SCFD2: variants seen among roughly 807,000 people sequenced by gnomAD.
SCFD2 encodes sec1 family domain-containing protein 2.
SCFD2 carries 54 observed loss-of-function variants against 58.9 expected under a neutral mutation model. The observed-to-expected ratio is 0.92, with a 90% CI of 0.74 to 1.15. The LOEUF is 1.15. SCFD2 is among the 50% of genes most tolerant of loss of function. SCFD2 has a pLI of 0.00. For synonymous variants in SCFD2, 321 were observed against 335.9 expected, an observed-to-expected ratio of 0.96 and a Z score of 0.49; for missense variants, 805 against 836.6, an observed-to-expected ratio of 0.96 and a Z score of 0.47.
intron 1 of SCFD2, among the ~76,000 whole-genome samples, chr4:53,354,010 G>C (rs2149165842): frequency 6.6e-6 from 1 of 152,378 alleles, no homozygotes; most frequent in East Asian, 1.9e-4. Flanking sequence ...CAAGAGCCCA[G>C]CTAGCTTCGC....
At chr4:53,229,517 G>T (rs1346039282) in intron 4 of SCFD2, among the ~76,000 whole-genome samples, 3 of 152,152 alleles carry the variant, frequency 2.0e-5, no homozygotes, top group Admixed American at 6.5e-5. Flanking sequence ...ACAAGCAATG[G>T]GGAAAGGATT....
intron 6 of SCFD2, among the ~76,000 whole-genome samples, chr4:52,912,646 T>C (rs1348513822): frequency 6.6e-6 from 1 of 152,096 alleles, no homozygotes; most frequent in Non-Finnish European, 1.5e-5. Flanking sequence ...GCCTTCTTAA[T>C]AAAAAAAATT....
intron 4 of SCFD2, among the ~76,000 whole-genome samples, chr4:53,228,675 G>T (rs1729313232): frequency 6.6e-6 from 1 of 152,030 alleles, no homozygotes; most frequent in Admixed American, 6.6e-5. Context: ...TACTGAATGG[G>T]CAAAAACTGG....
intron 5 of SCFD2, among the ~76,000 whole-genome samples, chr4:53,083,383 T>G (rs1408068019): frequency 6.6e-6 from 1 of 151,960 alleles, no homozygotes; most frequent in Non-Finnish European, 1.5e-5. Flanking sequence ...AAAGGAAAAC[T>G]AATACCAGTC....
In SCFD2 at chr4:53,242,255, G is replaced by A. The variant is rs150926054; in HGVS notation, c.1311+31571C>T. Among the ~76,000 whole-genome samples, 668 of 152,316 alleles carry A rather than the reference G, an allele frequency of 4.4e-3. 4 individuals carry two copies. The highest frequency in any genetic ancestry group is 0.027 in the Middle Eastern group (8 of 294). The stretch of plus-strand genomic sequence containing the variant: ...GAGTGTTGTGACCAGCAGTATGGGA[G>A]CACCTCAGTCCCCTAAGTGCAGCCG... On this transcript the variant is annotated intron_variant, in intron 4 of 8. Coordinates refer to ENST00000401642, the MANE Select transcript of SCFD2 (RefSeq NM_152540.4).
At chr4:53,234,209 C>T (rs1203020059) in intron 4 of SCFD2, among the ~76,000 whole-genome samples, 3 of 152,148 alleles carry the variant, frequency 2.0e-5, no homozygotes, top group Non-Finnish European at 4.4e-5. Flanking sequence ...GACAATGTTA[C>T]TGTCTAGCAG....
chr4:53,196,134 T>A (rs376466972), intron 4 of SCFD2, among the ~76,000 whole-genome samples: 2 of 152,196 alleles, frequency 1.3e-5, no homozygotes, highest in African/African-American at 4.8e-5. Context: ...TTTGTCTTTT[T>A]AAAAATCCTT....
chr4:53,275,534 C>T (rs1438649266), intron 3 of SCFD2, among the ~76,000 whole-genome samples: 2 of 152,172 alleles, frequency 1.3e-5, no homozygotes, highest in Non-Finnish European at 2.9e-5. Context: ...TTTCTACATA[C>T]AGTAAAATTC....
At chr4:53,256,839 T>A (rs979856494) in intron 4 of SCFD2, among the ~76,000 whole-genome samples, 2 of 144,390 alleles carry the variant, frequency 1.4e-5, no homozygotes, top group African/African-American at 5.1e-5. Flanking sequence ...CGGCTAGGCA[T>A]CAGAGGGAGA....
At chr4:53,309,527 G>A (rs1471907896) in intron 3 of SCFD2, among the ~76,000 whole-genome samples, 7 of 152,050 alleles carry the variant, frequency 4.6e-5, no homozygotes, top group Non-Finnish European at 1.0e-4. Flanking sequence ...GGATGTTGGC[G>A]GTGCAGGGAG....
At chr4:53,131,573 T>C (rs1264106585) in intron 5 of SCFD2, among the ~76,000 whole-genome samples, 1 of 152,112 alleles carries the variant, frequency 6.6e-6, no homozygotes, top group Non-Finnish European at 1.5e-5. Context: ...ATAAAAAGCA[T>C]ATGAAGCTAG....
chr4:53,276,941 T>C (rs1731345699), intron 3 of SCFD2, among the ~76,000 whole-genome samples: 1 of 152,252 alleles, frequency 6.6e-6, no homozygotes, highest in African/African-American at 2.4e-5. Flanking sequence ...CACCTTTTCA[T>C]GTGTGTCTTT....
intron 5 of SCFD2, among the ~76,000 whole-genome samples, chr4:53,030,393 C>A (rs1234733186): frequency 2.7e-5 from 4 of 150,778 alleles, no homozygotes; most frequent in East Asian, 1.9e-4. Context: ...CATGAGAATG[C>A]AAAATGGTAC....
intron 5 of SCFD2, among the ~76,000 whole-genome samples, chr4:53,050,010 GA>G (rs559418975): frequency 2.6e-5 from 4 of 151,962 alleles, no homozygotes; most frequent in African/African-American, 9.7e-5. Flanking sequence ...TGTTAAACAG[GA>G]AAAAATAAAA....
At chr4:53,292,032 GAATTAA>G (rs1336868157) in intron 3 of SCFD2, among the ~76,000 whole-genome samples, 20 of 151,690 alleles carry the variant, frequency 1.3e-4, no homozygotes, top group African/African-American at 4.1e-4. Flanking sequence ...AATTCAAAAT[GAATTAA>G]AGACTTAAAT....
intron 5 of SCFD2, among the ~76,000 whole-genome samples, chr4:53,080,712 T>C (rs991341275): frequency 7.9e-5 from 12 of 152,088 alleles, no homozygotes; most frequent in Non-Finnish European, 1.6e-4. Flanking sequence ...CTAAGAACTA[T>C]TTTTCATGCA....
At chr4:53,285,982 A>T (rs1016739391) in intron 3 of SCFD2, among the ~76,000 whole-genome samples, 1 of 152,084 alleles carries the variant, frequency 6.6e-6, no homozygotes, top group Admixed American at 6.5e-5. Flanking sequence ...GCACAGCACC[A>T]TCTTGAAACT....
chr4:53,054,497 G>T (rs1723268788), intron 5 of SCFD2, among the ~76,000 whole-genome samples: 1 of 151,974 alleles, frequency 6.6e-6, no homozygotes, highest in Admixed American at 6.6e-5. Context: ...TGAAAAATAT[G>T]CAGTAAGACA....
At position 52,907,461 on chromosome 4, in the gene SCFD2, A is replaced by G; in HGVS notation, c.1838T>C (p.Met613Thr). 6.2e-7 allele frequency: 1 copy of G among 1,613,912 alleles called. No individual in the cohort carries two copies. The highest frequency in any genetic ancestry group is 8.5e-7 in the Non-Finnish European group (1 of 1,179,782). Reference sequence around the variant, plus strand: ...ACCTCTCCATGGTTACTTTACCTTCATGAACATGCTAAATCCAGTTTTAAG... The same window carrying G: ...ACCTCTCCATGGTTACTTTACCTTCGTGAACATGCTAAATCCAGTTTTAAG... ...DLLKTGFSMF[M>T]KVSRPHPSDY... The change falls in exon 7 of 9, where the codon ATG (methionine) becomes ACG (threonine). Residue 613 changes from methionine to threonine, a missense_variant. Met to Thr is a moderately conservative substitution (Grantham distance 81). Around this residue, in one of 3 missense-constraint regions of SCFD2, gnomAD observed 633 missense variants for 646.8 expected, o/e 0.98. Coordinates refer to ENST00000401642, the MANE Select transcript of SCFD2 (RefSeq NM_152540.4).
Sources: gnomAD v4.1 joint callset for allele counts (sites outside exome capture counted in the v4.1 genomes callset) on GRCh38, gnomAD v4.1.1 for gene constraint, gnomAD v4.1.1 regional missense constraint, MANE v1.5 for transcripts, NCBI Gene and HGNC (gene_info 2026-07-23, HGNC 2026-07-21) for gene names.